MGAT4C: variants seen among roughly 807,000 people sequenced by gnomAD.
The protein encoded by MGAT4C is alpha-1,3-mannosyl-glycoprotein 4-beta-N-acetylglucosaminyltransferase C.
MGAT4C carries 19 observed loss-of-function variants against 40.1 expected under a neutral mutation model. The observed-to-expected ratio is 0.47, with a 90% CI of 0.33 to 0.70. MGAT4C has a LOEUF of 0.70. MGAT4C is among the 30% of genes least tolerant of loss of function. The pLI, the probability that MGAT4C is intolerant of heterozygous loss-of-function variation, is 0.02. For synonymous variants in MGAT4C, 181 were observed against 187.1 expected (o/e 0.97, Z 0.27); for missense variants, 491 against 563.2 (o/e 0.87, Z 1.30).
chr12:86,083,836 T>C (rs1871276271), intron 1 of MGAT4C, among the ~76,000 whole-genome samples: 2 of 152,046 alleles, frequency 1.3e-5, no homozygotes, highest in African/African-American at 4.8e-5. Flanking sequence ...GAATCTAAGG[T>C]TGGCAAGTTG....
At chr12:86,592,673 C>A (rs560248763) in intron 2 of MGAT4C, among the ~76,000 whole-genome samples, 47 of 152,222 alleles carry the variant, frequency 3.1e-4, no homozygotes, top group African/African-American at 1.1e-3. Flanking sequence ...AGCTAGTGAA[C>A]CACTCTAGTG....
intron 2 of MGAT4C, among the ~76,000 whole-genome samples, chr12:86,472,722 A>T (rs1957773579): frequency 6.6e-6 from 1 of 152,126 alleles, no homozygotes; most frequent in Non-Finnish European, 1.5e-5. Flanking sequence ...TGCATTTTCA[A>T]GTTTTGTATT....
intron 1 of MGAT4C, among the ~76,000 whole-genome samples, chr12:86,067,261 A>C (rs1253686280): frequency 6.6e-6 from 1 of 152,200 alleles, no homozygotes; most frequent in Non-Finnish European, 1.5e-5. Context: ...ACTCACACAA[A>C]TGTTTATTGT....
At chr12:86,531,121 T>G (rs1174340902) in intron 2 of MGAT4C, among the ~76,000 whole-genome samples, 5 of 152,094 alleles carry the variant, frequency 3.3e-5, no homozygotes. Flanking sequence ...CAACAAATTT[T>G]ATCTTTGTAC....
intron 1 of MGAT4C, among the ~76,000 whole-genome samples, chr12:86,120,601 C>T (rs1879220035): frequency 1.3e-5 from 2 of 152,168 alleles, no homozygotes; most frequent in South Asian, 4.1e-4. Flanking sequence ...TGTTCTGCAG[C>T]CTCTGCTGGT....
At chr12:86,436,956 C>T (rs994469896) in intron 2 of MGAT4C, among the ~76,000 whole-genome samples, 1 of 151,560 alleles carries the variant, frequency 6.6e-6, no homozygotes, top group African/African-American at 2.4e-5. Flanking sequence ...TTGTTAAGTT[C>T]TGAGGTTATG....
At chr12:86,211,447 C>T (rs1196944348) in intron 1 of MGAT4C, among the ~76,000 whole-genome samples, 2 of 119,004 alleles carry the variant, frequency 1.7e-5, no homozygotes, top group African/African-American at 6.3e-5. Context: ...ATTAGCCGGG[C>T]GTGGTGGCGG....
At chr12:86,269,811 T>C (rs1952896509) in intron 4 of MGAT4C, among the ~76,000 whole-genome samples, 2 of 152,120 alleles carry the variant, frequency 1.3e-5, no homozygotes. Context: ...TTGTTGATAT[T>C]TTTGATGGTA....
intron 2 of MGAT4C, among the ~76,000 whole-genome samples, chr12:86,026,847 T>A (rs1890287183): frequency 6.6e-6 from 1 of 151,970 alleles, no homozygotes; most frequent in Non-Finnish European, 1.5e-5. Flanking sequence ...GTGTGTATAA[T>A]TTCTCTAGAG....
At chr12:85,982,015 GAT>G (rs1884652460) in intron 4 of MGAT4C, among the ~76,000 whole-genome samples, 1 of 152,102 alleles carries the variant, frequency 6.6e-6, no homozygotes, top group South Asian at 2.1e-4. Context: ...AAGGAAATGA[GAT>G]ATAAAGAAAT....
rs540426606 is a variant in MGAT4C, at chr12:86,810,788, G to T, written c.-262+27878C>A. ...GCATGCAAAATTGTGAGAGATATAT[G>T]TCTATAGTTTTCTTTGATTTTGTAC... On this transcript the variant is annotated intron_variant, in intron 1 of 7. Transcript: ENST00000548651. Among the ~76,000 whole-genome samples, 8 of 151,936 alleles carry T rather than the reference G, an allele frequency of 5.3e-5. 1 individual carries two copies. The highest frequency in any genetic ancestry group is 5.3e-4 in the Admixed American group (8 of 15,208).
chr12:86,102,711 T>A (rs1284665173), intron 1 of MGAT4C, among the ~76,000 whole-genome samples: 1 of 152,142 alleles, frequency 6.6e-6, no homozygotes, highest in South Asian at 2.1e-4. Flanking sequence ...CATTCTAATA[T>A]AATTATTCTT....
At chr12:86,275,944 C>CAAAAAAAAAAAAAA (rs748476574) in intron 4 of MGAT4C, among the ~76,000 whole-genome samples, 3 of 69,182 alleles carry the variant, frequency 4.3e-5, no homozygotes, top group South Asian at 7.1e-4. Context: ...ACTAAAAATC[C>CAAAAAAAAAAAAAA]AAAAAAAAAA....
At chr12:86,385,415 G>C (rs1163914290) in intron 3 of MGAT4C, among the ~76,000 whole-genome samples, 1 of 151,968 alleles carries the variant, frequency 6.6e-6, no homozygotes, top group Non-Finnish European at 1.5e-5. Context: ...ATCAGGCTCT[G>C]TTCATGTCAT....
chr12:86,792,088 A>G (rs1952032407), intron 1 of MGAT4C, among the ~76,000 whole-genome samples: 2 of 152,176 alleles, frequency 1.3e-5, no homozygotes, highest in Non-Finnish European at 2.9e-5. Flanking sequence ...TTCAAACCTA[A>G]TGAAGGCACT....
intron 2 of MGAT4C, among the ~76,000 whole-genome samples, chr12:86,559,275 AT>A (rs1959757061): frequency 6.6e-6 from 1 of 151,962 alleles, no homozygotes; most frequent in African/African-American, 2.4e-5. Flanking sequence ...CAAAATATTA[AT>A]GCAGAAACAT....
In MGAT4C at chr12:85,975,441, A is replaced by G. The variant is rs1479699086; in HGVS notation, c.*3848T>C. ...AGGTAAAATTGCTACCTTTAAAAACATATGAGGTAAAATTATTCCTATTCA... is the reference window on the plus strand; with the variant it reads ...AGGTAAAATTGCTACCTTTAAAAACGTATGAGGTAAAATTATTCCTATTCA... On this transcript the variant is annotated 3_prime_UTR_variant, in exon 5 of 5. Coordinates refer to ENST00000611864, the MANE Select transcript of MGAT4C (RefSeq NM_001351288.2). 6.7e-6 allele frequency: 1 copy of G among 150,308 alleles called. No individual in the cohort carries two copies. Among genetic ancestry groups the G allele is most frequent in the African/African-American group, 2.4e-5 (1 of 41,218 alleles). The allele number at this position is 150,308 out of a possible 1,614,324, so 9.3% of individuals were successfully genotyped here.
At chr12:86,370,591 C>T (rs368592671) in intron 3 of MGAT4C, among the ~76,000 whole-genome samples, 1 of 151,868 alleles carries the variant, frequency 6.6e-6, no homozygotes, top group Non-Finnish European at 1.5e-5. Flanking sequence ...AAGGAAATAA[C>T]CGGAATAGAT....
At chr12:86,835,277 T>C (rs900751765) in intron 1 of MGAT4C, among the ~76,000 whole-genome samples, 36 of 152,014 alleles carry the variant, frequency 2.4e-4, no homozygotes, top group African/African-American at 8.7e-4. Flanking sequence ...ACTATTTTTG[T>C]AAAGATTTAA....
Sources: gnomAD v4.1 joint callset for allele counts (sites outside exome capture counted in the v4.1 genomes callset) on GRCh38, gnomAD v4.1.1 for gene constraint, MANE v1.5 for transcripts, NCBI Gene and HGNC (gene_info 2026-07-23, HGNC 2026-07-21) for gene names.